The following TP63 variants were observed in gnomAD, a reference collection of about 807,000 sequenced individuals.
TP63 encodes tumor protein p63, also known as tumor protein 63.
In TP63, 17 loss-of-function variants were observed where a neutral mutation model predicts 82.8. That is an observed-to-expected ratio of 0.21 (90% CI 0.14 to 0.31). TP63 has a LOEUF of 0.31. Among genes scored for constraint, TP63 ranks in the 10% least tolerant of loss-of-function variants. The pLI is 1.00. For synonymous variants in TP63, 330 were observed against 321.7 expected (o/e 1.03, Z -0.28); for missense variants, 648 against 895.3 (o/e 0.72, Z 3.52).
intron 3 of TP63, among the ~76,000 whole-genome samples, chr3:189,771,790 G>C (rs1027432569): frequency 6.6e-6 from 1 of 152,118 alleles, no homozygotes; most frequent in East Asian, 1.9e-4. Context: ...CTAATGTCGG[G>C]TCAGTTCACA....
chr3:189,745,524 T>C (rs1405606289), intron 3 of TP63, among the ~76,000 whole-genome samples: 1 of 151,660 alleles, frequency 6.6e-6, no homozygotes, highest in African/African-American at 2.4e-5. Flanking sequence ...CTGATCAACA[T>C]AGTGAAACCC....
At chr3:189,881,241 A>T in intron 10 of TP63, 1 of 985,430 alleles carries the variant, frequency 1.0e-6, no homozygotes, top group Non-Finnish European at 1.2e-6. Flanking sequence ...TGGACTGGAA[A>T]TTAAAGATTG....
intron 1 of TP63, among the ~76,000 whole-genome samples, chr3:189,726,895 A>G (rs1719816759): frequency 6.6e-6 from 1 of 152,248 alleles, no homozygotes; most frequent in South Asian, 2.1e-4. Flanking sequence ...TTTTCTACAC[A>G]GGGCCAGAAA....
chr3:189,868,023 T>C (rs1389237031), intron 7 of TP63, 81 bp downstream of exon 7: 1 of 1,177,606 alleles, frequency 8.5e-7, no homozygotes, highest in African/African-American at 1.5e-5. Flanking sequence ...TGCTTTATCA[T>C]TAATTTTGCA....
At chr3:189,828,054 G>A (rs905179571) in intron 4 of TP63, among the ~76,000 whole-genome samples, 6 of 152,014 alleles carry the variant, frequency 3.9e-5, no homozygotes, top group Non-Finnish European at 7.4e-5. Context: ...CAGCCTGGCT[G>A]ATATGATGAA....
the TP63 span, among the ~76,000 whole-genome samples, chr3:189,611,821 T>C: frequency 6.6e-6 from 1 of 152,198 alleles, no homozygotes; most frequent in South Asian, 2.1e-4. Flanking sequence ...GTTTTGTAAT[T>C]CTCATTGTAG....
intron 10 of TP63, among the ~76,000 whole-genome samples, chr3:189,876,493 GA>G (rs1333252664): frequency 6.6e-6 from 1 of 152,186 alleles, no homozygotes; most frequent in African/African-American, 2.4e-5. Context: ...GCCACAGATA[GA>G]TAGTAAAGAA....
chr3:189,703,784 T>C (rs181509440), intron 1 of TP63, among the ~76,000 whole-genome samples: 126 of 152,276 alleles, frequency 8.3e-4, no homozygotes, highest in Admixed American at 2.8e-3. Context: ...AAATAGAAAC[T>C]AAGAAAGTGA....
intron 4 of TP63, among the ~76,000 whole-genome samples, chr3:189,819,984 T>C (rs1021053448): frequency 2.0e-5 from 3 of 151,840 alleles, no homozygotes; most frequent in African/African-American, 4.8e-5. Flanking sequence ...CTCCTGACCT[T>C]GTGATCCACC....
chr3:189,805,949 A>AC (rs1472102146), intron 3 of TP63, among the ~76,000 whole-genome samples: 2 of 142,156 alleles, frequency 1.4e-5, no homozygotes, highest in Admixed American at 7.2e-5. Context: ...TTTTCCTGCT[A>AC]CCCCCCTGGG....
intron 1 of TP63, among the ~76,000 whole-genome samples, chr3:189,734,549 G>A (rs1018045547): frequency 1.7e-4 from 26 of 152,090 alleles, no homozygotes; most frequent in South Asian, 6.2e-4. Context: ...TGTAGGTTGG[G>A]AGATGACAAA....
At chr3:189,784,676 A>G (rs1724467602) in intron 3 of TP63, among the ~76,000 whole-genome samples, 1 of 152,106 alleles carries the variant, frequency 6.6e-6, no homozygotes, top group African/African-American at 2.4e-5. Context: ...AAGATTTACG[A>G]CAGAACTCGT....
intron 4 of TP63, among the ~76,000 whole-genome samples, chr3:189,840,245 C>T (rs1229358460): frequency 6.6e-6 from 1 of 151,266 alleles, no homozygotes; most frequent in Non-Finnish European, 1.5e-5. Flanking sequence ...TTTTTTCATG[C>T]AGTAATCCTC....
chr3:189,854,150 T>C (rs1320073614), intron 4 of TP63, among the ~76,000 whole-genome samples: 1 of 152,178 alleles, frequency 6.6e-6, no homozygotes, highest in East Asian at 1.9e-4. Flanking sequence ...GTTGTACAAA[T>C]GAGAAGAGCT....
chr3:189,771,830 C>G (rs921303521), intron 3 of TP63, among the ~76,000 whole-genome samples: 1 of 152,098 alleles, frequency 6.6e-6, no homozygotes, highest in Non-Finnish European at 1.5e-5. Flanking sequence ...TTGATTGATT[C>G]ATTTATTCTT....
chr3:189,896,673 T>G lies in TP63; in HGVS notation c.*2171T>G, dbSNP rs1721498284. 4.9e-6 allele frequency: 1 copy of G among 204,584 alleles called. No homozygotes were observed. Among genetic ancestry groups the G allele is most frequent in the Non-Finnish European group, 1.0e-5 (1 of 99,596 alleles). The allele number at this position is 204,584 out of a possible 1,614,324, so 12.7% of individuals were successfully genotyped here. ...ATAAACCTAGGACTTCCGAGCTATG[T>G]CAGTACTATTCAGGTAACACTAGGG... On this transcript the variant is annotated 3_prime_UTR_variant, in exon 14 of 14. Transcript: ENST00000264731.
At chr3:189,702,339 A>G (rs1199079778) in intron 1 of TP63, among the ~76,000 whole-genome samples, 1 of 152,222 alleles carries the variant, frequency 6.6e-6, no homozygotes, top group Non-Finnish European at 1.5e-5. Flanking sequence ...AAAATGATTC[A>G]AATTTGAAAC....
chr3:189,731,613 G>A (rs1231222330), intron 1 of TP63, among the ~76,000 whole-genome samples: 2 of 152,164 alleles, frequency 1.3e-5, no homozygotes, highest in Admixed American at 6.5e-5. Flanking sequence ...GGAAGAACAG[G>A]CAAAGCAAGA....
At chr3:189,868,480 T>G in intron 7 of TP63, 100 bp from the exon 8 acceptor site, 1 of 1,543,010 alleles carries the variant, frequency 6.5e-7, no homozygotes, top group Non-Finnish European at 8.8e-7. Context: ...TGGTAGTACG[T>G]TGGCGATGGC....
Sources: gnomAD v4.1 joint callset for allele counts (sites outside exome capture counted in the v4.1 genomes callset) on GRCh38, gnomAD v4.1.1 for gene constraint, MANE v1.5 for transcripts, NCBI Gene and HGNC (gene_info 2026-07-23, HGNC 2026-07-21) for gene names.